The following LOC128462377 variants were observed in gnomAD, a reference collection of about 807,000 sequenced individuals.
the LOC128462377 span, among the ~76,000 whole-genome samples, chr16:89,414,335 G>C: frequency 2.0e-5 from 3 of 152,176 alleles, no homozygotes; most frequent in Admixed American, 6.5e-5. Flanking sequence ...AGCACAAATG[G>C]AACACCCACA....
the LOC128462377 span, among the ~76,000 whole-genome samples, chr16:89,356,034 T>C: frequency 1.3e-5 from 2 of 152,192 alleles, no homozygotes; most frequent in Admixed American, 6.5e-5. Flanking sequence ...TGAGCCCAGA[T>C]AGCGCCCCTG....
At chr16:89,323,947 T>C in the LOC128462377 span, 2 of 219,342 alleles carry the variant, frequency 9.1e-6, no homozygotes, top group Admixed American at 5.5e-5. Flanking sequence ...ACGGTTTGAA[T>C]GTTTGTGTCG....
chr16:89,405,302 T>C, the LOC128462377 span, among the ~76,000 whole-genome samples: 1 of 152,116 alleles, frequency 6.6e-6, no homozygotes, highest in Non-Finnish European at 1.5e-5. Flanking sequence ...TAGGGCACAT[T>C]TGCAAAACAG....
chr16:89,383,580 T>C, the LOC128462377 span, among the ~76,000 whole-genome samples: 1 of 152,180 alleles, frequency 6.6e-6, no homozygotes, highest in African/African-American at 2.4e-5. Flanking sequence ...CGGCCAGGAA[T>C]GGCCAAAGCC....
At chr16:89,402,891 A>C in the LOC128462377 span, among the ~76,000 whole-genome samples, 1 of 151,996 alleles carries the variant, frequency 6.6e-6, no homozygotes, top group Middle Eastern at 3.4e-3. Context: ...CGGGGGAAGG[A>C]GCCCCATCAG....
the LOC128462377 span, among the ~76,000 whole-genome samples, chr16:89,417,894 C>A: frequency 6.6e-6 from 1 of 152,210 alleles, no homozygotes. Flanking sequence ...AGAATCCTCA[C>A]GCAAACTGTT....
the LOC128462377 span, among the ~76,000 whole-genome samples, chr16:89,338,752 A>C: frequency 1.3e-5 from 2 of 148,706 alleles, no homozygotes; most frequent in Admixed American, 6.7e-5. Flanking sequence ...AAAAAAAAAG[A>C]GCGAGCTTTT....
the LOC128462377 span, among the ~76,000 whole-genome samples, chr16:89,349,889 C>A: frequency 7.6e-6 from 1 of 130,904 alleles, no homozygotes; most frequent in Non-Finnish European, 1.6e-5. Flanking sequence ...CACACACACA[C>A]ACACACACAC....
the LOC128462377 span, among the ~76,000 whole-genome samples, chr16:89,318,643 C>T: frequency 6.6e-6 from 1 of 152,238 alleles, no homozygotes; most frequent in African/African-American, 2.4e-5. Context: ...GCCACCTGCC[C>T]CTGGACGCAG....
At chr16:89,348,074 C>T in the LOC128462377 span, among the ~76,000 whole-genome samples, 4 of 152,012 alleles carry the variant, frequency 2.6e-5, no homozygotes, top group Non-Finnish European at 5.9e-5. Flanking sequence ...ACTGGGACTA[C>T]AGGCGCGCCA....
the LOC128462377 span, among the ~76,000 whole-genome samples, chr16:89,398,253 A>G: frequency 6.4e-3 from 918 of 143,302 alleles, 6 homozygotes; most frequent in African/African-American, 0.024. Context: ...CATGAGGGAC[A>G]CTGTGAAACA....
chr16:89,404,938 C>T, the LOC128462377 span, among the ~76,000 whole-genome samples: 1 of 152,238 alleles, frequency 6.6e-6, no homozygotes. Flanking sequence ...AACATCGTGT[C>T]CACAGACCAC....
At chr16:89,347,215 T>C in the LOC128462377 span, among the ~76,000 whole-genome samples, 1 of 152,194 alleles carries the variant, frequency 6.6e-6, no homozygotes, top group Non-Finnish European at 1.5e-5. Flanking sequence ...TGAGGGCTTC[T>C]TTCAATCTCT....
the LOC128462377 span, among the ~76,000 whole-genome samples, chr16:89,383,962 T>C: frequency 1.3e-5 from 2 of 152,104 alleles, no homozygotes; most frequent in Non-Finnish European, 2.9e-5. Context: ...TCTAGCAAGA[T>C]AAAGAATCTG....
At chr16:89,370,944 C>A in the LOC128462377 span, among the ~76,000 whole-genome samples, 1 of 152,154 alleles carries the variant, frequency 6.6e-6, no homozygotes, top group South Asian at 2.1e-4. Flanking sequence ...GCCCAAGAAC[C>A]AAGCCCTGCG....
At chr16:89,369,706 T>G in the LOC128462377 span, among the ~76,000 whole-genome samples, 1 of 152,206 alleles carries the variant, frequency 6.6e-6, no homozygotes. Flanking sequence ...CATCTGCATC[T>G]GTGATCAACT....
At chr16:89,397,542 G>A in the LOC128462377 span, among the ~76,000 whole-genome samples, 42 of 152,354 alleles carry the variant, frequency 2.8e-4, no homozygotes, top group South Asian at 7.0e-3. Flanking sequence ...TGACGGGGAA[G>A]GGTTGAGCCC....
chr16:89,327,716 C>T, the LOC128462377 span, among the ~76,000 whole-genome samples: 1 of 147,810 alleles, frequency 6.8e-6, no homozygotes, highest in Non-Finnish European at 1.5e-5. Flanking sequence ...AAAGACAGTA[C>T]CATTTATAGG....
At chr16:89,356,689 G>A in the LOC128462377 span, among the ~76,000 whole-genome samples, 1 of 149,096 alleles carries the variant, frequency 6.7e-6, no homozygotes, top group Non-Finnish European at 1.5e-5. Context: ...GCTGAGGCAG[G>A]AGAATGGTAT....
Sources: allele counts gnomAD v4.1 joint callset (sites outside exome capture counted in the v4.1 genomes callset), GRCh38; gene constraint gnomAD v4.1.1; transcripts MANE v1.5.